The following SEC22A variants were observed in gnomAD, a reference collection of about 807,000 sequenced individuals.
SEC22A encodes the protein vesicle-trafficking protein SEC22a.
SEC22A carries 22 observed loss-of-function variants against 35.3 expected under a neutral mutation model. That is an observed-to-expected ratio of 0.62 (90% CI 0.45 to 0.89). The LOEUF is 0.89. SEC22A is among the 40% of genes least tolerant of loss of function. The pLI is 0.00. For synonymous variants in SEC22A, 119 were observed against 129.5 expected (o/e 0.92, Z 0.55); for missense variants, 354 against 362.5 (o/e 0.98, Z 0.19).
At chr3:123,206,748 C>T (rs1261419669) in intron 1 of SEC22A, among the ~76,000 whole-genome samples, 1 of 152,144 alleles carries the variant, frequency 6.6e-6, no homozygotes, top group African/African-American at 2.4e-5. Context: ...TTGAAGACTC[C>T]ACTGTAGTAA....
chr3:123,230,325 A>T (rs1330585202), intron 4 of SEC22A, among the ~76,000 whole-genome samples: 4 of 152,240 alleles, frequency 2.6e-5, no homozygotes, highest in African/African-American at 7.2e-5. Context: ...AAATTACTCC[A>T]GATGATAATT....
chr3:123,209,105 A>G (rs1284392869), intron 1 of SEC22A, 94 bp from the exon 2 acceptor site: 1 of 969,484 alleles, frequency 1.0e-6, no homozygotes, highest in East Asian at 2.6e-5. Context: ...TTTAATTACT[A>G]TTCTTATATT....
At chr3:123,205,034 CAGATA>C (rs1036900461) in intron 1 of SEC22A, among the ~76,000 whole-genome samples, 25 of 149,706 alleles carry the variant, frequency 1.7e-4, no homozygotes, top group Non-Finnish European at 2.5e-4. Context: ...TAGCACAGTC[CAGATA>C]AGATTAGTTT....
At chr3:123,217,492 C>A (rs1013350768) in intron 2 of SEC22A, among the ~76,000 whole-genome samples, 3 of 151,318 alleles carry the variant, frequency 2.0e-5, no homozygotes, top group African/African-American at 7.3e-5. Context: ...GGATTACAGG[C>A]GTGAGCCACC....
intron 6 of SEC22A, among the ~76,000 whole-genome samples, chr3:123,267,009 T>G (rs1938042652): frequency 6.6e-6 from 1 of 152,196 alleles, no homozygotes. Context: ...TGTTCCTCTC[T>G]GTCCCTGGTT....
intron 2 of SEC22A, among the ~76,000 whole-genome samples, chr3:123,210,108 A>G (rs1936916085): frequency 6.6e-6 from 1 of 152,206 alleles, no homozygotes; most frequent in Non-Finnish European, 1.5e-5. Context: ...TGTTTAGTCT[A>G]ATGCAGTAGG....
chr3:123,236,424 T>C (rs1158538627), intron 4 of SEC22A, among the ~76,000 whole-genome samples: 3 of 152,182 alleles, frequency 2.0e-5, no homozygotes, highest in Non-Finnish European at 4.4e-5. Context: ...ACAAGATTAC[T>C]AAGAATTAGT....
chr3:123,226,315 CA>C (rs1937216699), intron 4 of SEC22A, among the ~76,000 whole-genome samples: 1 of 152,162 alleles, frequency 6.6e-6, no homozygotes, highest in Non-Finnish European at 1.5e-5. Flanking sequence ...TTTACATCCC[CA>C]CCAACAGTGT....
At chr3:123,210,037 AAGTG>A (rs1936914233) in intron 2 of SEC22A, among the ~76,000 whole-genome samples, 1 of 152,206 alleles carries the variant, frequency 6.6e-6, no homozygotes, top group Non-Finnish European at 1.5e-5. Flanking sequence ...GAGTTGCAGA[AAGTG>A]AGGCCAGAAA....
chr3:123,224,959 A>G (rs902451812), intron 3 of SEC22A, 144 bp from the exon 4 acceptor site: 3 of 553,304 alleles, frequency 5.4e-6, no homozygotes, highest in African/African-American at 3.7e-5. Context: ...ATCATTAAAC[A>G]CAAGTAATAT....
At chr3:123,232,558 A>T (rs891248305) in intron 4 of SEC22A, among the ~76,000 whole-genome samples, 27 of 152,334 alleles carry the variant, frequency 1.8e-4, no homozygotes, top group African/African-American at 6.5e-4. Flanking sequence ...CCAAAAAAAC[A>T]GTAAAGGGCC....
intron 2 of SEC22A, among the ~76,000 whole-genome samples, chr3:123,222,744 A>C (rs1167873342): frequency 2.6e-5 from 4 of 152,180 alleles, no homozygotes; most frequent in African/African-American, 9.7e-5. Context: ...GTACTTGGTG[A>C]AGGAGTTACC....
At chr3:123,269,781 C>T (rs1032607168) in intron 6 of SEC22A, among the ~76,000 whole-genome samples, 5 of 151,654 alleles carry the variant, frequency 3.3e-5, no homozygotes, top group African/African-American at 4.9e-5. Flanking sequence ...TACAGGCGCC[C>T]GCCACCACAC....
chr3:123,245,397 T>C (rs1937557949), intron 4 of SEC22A, among the ~76,000 whole-genome samples: 1 of 152,178 alleles, frequency 6.6e-6, no homozygotes, highest in Non-Finnish European at 1.5e-5. Flanking sequence ...ATGTCTTTGT[T>C]AAAAACATAG....
intron 4 of SEC22A, among the ~76,000 whole-genome samples, chr3:123,230,911 A>C (rs1005428100): frequency 6.6e-6 from 1 of 152,128 alleles, no homozygotes; most frequent in African/African-American, 2.4e-5. Context: ...AGATGCAACT[A>C]TATGTTGTCT....
Position 123,233,431 on chromosome 3 carries a change from A to T in SEC22A, c.541+8134A>T, listed in dbSNP as rs963368426. 5.3e-5 allele frequency among the ~76,000 whole-genome samples: 8 copies of T among 152,200 alleles called. No individual in the cohort carries two copies. The East Asian group carries it at 1.2e-3, about 22-fold the overall frequency. Reference sequence around the variant, plus strand: ...TTGCACAGCAATATCACCTAATGACACATTGTTCAGAATGTATCCCCATTG... The same window carrying T: ...TTGCACAGCAATATCACCTAATGACTCATTGTTCAGAATGTATCCCCATTG... On this transcript the variant is annotated intron_variant, in intron 4 of 6. Coordinates refer to ENST00000492595, the MANE Select transcript of SEC22A (RefSeq NM_012430.5).
rs998099993 is a variant in SEC22A, at chr3:123,224,276, A to C, written c.346+554A>C. Among the ~76,000 whole-genome samples the C allele has an allele frequency of 5.3e-5, 8 of 152,032 alleles. No individual in the cohort carries two copies. The South Asian group carries it at 8.3e-4, about 16-fold the overall frequency. ...TTCTGATGTAGAAGAAAAAAAAAAA[A>C]CACCATGTTGTAAATAGTAAAAATA... On this transcript the variant is annotated intron_variant, in intron 3 of 6. Coordinates refer to ENST00000492595, the MANE Select transcript of SEC22A (RefSeq NM_012430.5).
chr3:123,223,816 A>G (rs1012231901), intron 3 of SEC22A, 94 bp downstream of exon 3: 8 of 858,446 alleles, frequency 9.3e-6, no homozygotes, highest in Admixed American at 2.5e-5. Flanking sequence ...GACTTCTGCT[A>G]TCTTGCTTTT....
At chr3:123,202,995 A>C (rs777606789) in intron 1 of SEC22A, among the ~76,000 whole-genome samples, 1 of 150,592 alleles carries the variant, frequency 6.6e-6, no homozygotes, top group Non-Finnish European at 1.5e-5. Context: ...ACCATATCCT[A>C]AAGTAATGGG....
Sources: gnomAD v4.1 joint callset for allele counts (sites outside exome capture counted in the v4.1 genomes callset) on GRCh38, gnomAD v4.1.1 for gene constraint, MANE v1.5 for transcripts, NCBI Gene and HGNC (gene_info 2026-07-23, HGNC 2026-07-21) for gene names.